Variants in RABGAP1 observed in about 807,000 individuals in gnomAD.
The protein encoded by RABGAP1 is RAB GTPase activating protein 1, also known as rab GTPase-activating protein 1.
RABGAP1 carries 23 observed loss-of-function variants against 137.6 expected under a neutral mutation model. That is an observed-to-expected ratio of 0.17 (90% CI 0.12 to 0.24). The LOEUF is 0.24. Ranked by LOEUF, RABGAP1 falls within the 10% of genes least tolerant of loss-of-function variation. RABGAP1 has a pLI of 1.00. For synonymous variants in RABGAP1, 451 were observed against 450.7 expected (o/e 1.00, Z -0.01); for missense variants, 906 against 1,275.8 (o/e 0.71, Z 4.42).
intron 19 of RABGAP1, among the ~76,000 whole-genome samples, chr9:123,086,071 G>A (rs1244153506): frequency 6.6e-6 from 1 of 152,196 alleles, no homozygotes; most frequent in East Asian, 1.9e-4. Flanking sequence ...GTAATCGTGA[G>A]CTTGGATTGG....
At chr9:122,933,584 C>CT in the RABGAP1 span, among the ~76,000 whole-genome samples, 2 of 151,766 alleles carry the variant, frequency 1.3e-5, no homozygotes, top group Non-Finnish European at 2.9e-5. Context: ...TCTGGAGTAG[C>CT]TGGGATTATG....
At chr9:123,096,938 A>C (rs1488681962) in intron 21 of RABGAP1, among the ~76,000 whole-genome samples, 1 of 152,252 alleles carries the variant, frequency 6.6e-6, no homozygotes, top group Non-Finnish European at 1.5e-5. Context: ...GAAAGGAAAT[A>C]GAGTATAGTG....
At chr9:123,080,534 C>G (rs1484670621) in intron 19 of RABGAP1, among the ~76,000 whole-genome samples, 1 of 152,164 alleles carries the variant, frequency 6.6e-6, no homozygotes, top group South Asian at 2.1e-4. Context: ...AAGAGAGATA[C>G]ACACAATAGT....
chr9:122,938,740 CAT>C (rs1218440455), upstream of RABGAP1: 1 of 152,034 alleles, frequency 6.6e-6, no homozygotes, highest in East Asian at 1.9e-4. Flanking sequence ...TATAATGAAA[CAT>C]GAAGTATAAC....
At position 122,991,360 on chromosome 9, in the gene RABGAP1, A is replaced by T. The variant is rs556800912; in HGVS notation, c.923+1147A>T. Among the ~76,000 whole-genome samples the T allele has an allele frequency of 5.3e-5, 8 of 152,290 alleles. No individual in the cohort carries two copies. The South Asian group carries it at 1.7e-3, about 32-fold the overall frequency. On this transcript the variant is annotated intron_variant, in intron 6 of 25. Transcript: ENST00000373647. ...GTTTCCTCCATGACTACCTCATTAAATTGGTAAAATGAAGTTATATAAAAA... is the reference window on the plus strand; with the variant it reads ...GTTTCCTCCATGACTACCTCATTAATTTGGTAAAATGAAGTTATATAAAAA...
intron 10 of RABGAP1, among the ~76,000 whole-genome samples, chr9:123,003,226 G>C (rs586174): frequency 1.3e-4 from 20 of 152,194 alleles, no homozygotes; most frequent in South Asian, 6.2e-4. Flanking sequence ...TAAAATCTTA[G>C]GTAGTTTTCA....
intron 12 of RABGAP1, among the ~76,000 whole-genome samples, chr9:123,018,205 A>G (rs1427889384): frequency 6.6e-6 from 1 of 152,184 alleles, no homozygotes; most frequent in East Asian, 1.9e-4. Context: ...CGTGTTAGCC[A>G]GGATGGTCCT....
At chr9:122,981,610 C>T (rs1170945230) in intron 2 of RABGAP1, among the ~76,000 whole-genome samples, 1 of 152,142 alleles carries the variant, frequency 6.6e-6, no homozygotes, top group Non-Finnish European at 1.5e-5. Context: ...TCAGGTAGGG[C>T]CCAACAGTCT....
chr9:123,009,994 A>C (rs2030653478), intron 10 of RABGAP1, among the ~76,000 whole-genome samples: 1 of 152,172 alleles, frequency 6.6e-6, no homozygotes, highest in Non-Finnish European at 1.5e-5. Context: ...GCCTTCACTA[A>C]TTTGGGAGAT....
At chr9:123,040,862 G>T (rs530646674) in intron 13 of RABGAP1, among the ~76,000 whole-genome samples, 2 of 152,292 alleles carry the variant, frequency 1.3e-5, no homozygotes, top group Admixed American at 6.5e-5. Context: ...AGGCAGATGA[G>T]TTGGAAAGGA....
At chr9:123,055,061 C>T (rs1165242245) in intron 13 of RABGAP1, among the ~76,000 whole-genome samples, 1 of 152,152 alleles carries the variant, frequency 6.6e-6, no homozygotes, top group Non-Finnish European at 1.5e-5. Context: ...GGGAGTTTTG[C>T]TCCCCTTCCT....
At chr9:122,972,462 G>A (rs536442839) in intron 2 of RABGAP1, among the ~76,000 whole-genome samples, 4 of 152,248 alleles carry the variant, frequency 2.6e-5, no homozygotes, top group East Asian at 1.9e-4. Context: ...GTAGTCGCTC[G>A]TCTTAGGCTT....
chr9:123,044,550 T>C (rs1315670590), intron 13 of RABGAP1, among the ~76,000 whole-genome samples: 1 of 152,136 alleles, frequency 6.6e-6, no homozygotes, highest in Non-Finnish European at 1.5e-5. Context: ...TTTTGTTTTT[T>C]ACCAAGAGAA....
intron 2 of RABGAP1, among the ~76,000 whole-genome samples, chr9:122,976,953 G>A (rs1835790949): frequency 6.6e-6 from 1 of 152,184 alleles, no homozygotes; most frequent in African/African-American, 2.4e-5. Context: ...TCTATACAAA[G>A]TATGGGTGCT....
intron 13 of RABGAP1, among the ~76,000 whole-genome samples, chr9:123,025,440 G>A (rs965386409): frequency 1.3e-5 from 2 of 151,736 alleles, no homozygotes; most frequent in Non-Finnish European, 2.9e-5. Context: ...AGGTTATGTG[G>A]AGATTGTTAT....
chr9:123,000,530 C>G (rs1564392502), intron 10 of RABGAP1, among the ~76,000 whole-genome samples: 1 of 152,056 alleles, frequency 6.6e-6, no homozygotes, highest in Non-Finnish European at 1.5e-5. Context: ...ACTTTCTTTT[C>G]CTTAAAGCTC....
At position 123,026,953 on chromosome 9, in the gene RABGAP1, T is replaced by TCCATC. The variant is rs2032004563; in HGVS notation, c.1794+6496_1794+6500dup. ...ACCTATTCTGATGTTTTTCTTTCCT[T>TCCATC]CCATCCACTTGGCCTTGCTTATCTT... On this transcript the variant is annotated intron_variant, in intron 13 of 25. Transcript: ENST00000373647. Among the ~76,000 whole-genome samples the TCCATC allele has an allele frequency of 3.3e-5, 5 of 152,290 alleles. No individual in the cohort carries two copies. The South Asian group carries it at 1.0e-3, about 32-fold the overall frequency.
chr9:123,010,790 T>C (rs774379447), intron 11 of RABGAP1, among the ~76,000 whole-genome samples: 3 of 152,172 alleles, frequency 2.0e-5, no homozygotes, highest in Non-Finnish European at 4.4e-5. Context: ...GCTAGCTTGG[T>C]ATATTAGCAC....
chr9:123,098,307 C>A (rs2035243871), intron 22 of RABGAP1, among the ~76,000 whole-genome samples: 2 of 152,226 alleles, frequency 1.3e-5, no homozygotes, highest in Admixed American at 1.3e-4. Context: ...CCTGTCACAC[C>A]ACGGTCGTCC....
Sources: gnomAD v4.1 joint callset for allele counts (sites outside exome capture counted in the v4.1 genomes callset) on GRCh38, gnomAD v4.1.1 for gene constraint, MANE v1.5 for transcripts, NCBI Gene and HGNC (gene_info 2026-07-23, HGNC 2026-07-21) for gene names.